Variants in CDKL1 observed in about 807,000 individuals in gnomAD.
The protein encoded by CDKL1 is cyclin-dependent kinase-like 1.
In CDKL1, 41 loss-of-function variants were observed where a neutral mutation model predicts 42.0. The ratio of observed to expected loss-of-function variants is 0.98; its 90% CI spans 0.76 to 1.27. The LOEUF is 1.27. CDKL1 is among the 50% of genes most tolerant of loss of function. The probability of loss-of-function intolerance (pLI) is 0.00; values close to 1 mark genes in which losing one functional copy is unlikely to be tolerated. For synonymous variants in CDKL1, 153 were observed against 158.6 expected, an observed-to-expected ratio of 0.96 and a Z score of 0.26; for missense variants, 394 against 428.4, an observed-to-expected ratio of 0.92 and a Z score of 0.71.
At chr14:50,382,588 T>C (rs1362184391) in intron 2 of CDKL1, among the ~76,000 whole-genome samples, 3 of 140,398 alleles carry the variant, frequency 2.1e-5, no homozygotes, top group Non-Finnish European at 4.7e-5. Context: ...CTCCCTCTCT[T>C]TCTCTCTCTC....
At chr14:50,372,376 C>T (rs2034615417) in intron 2 of CDKL1, among the ~76,000 whole-genome samples, 1 of 152,220 alleles carries the variant, frequency 6.6e-6, no homozygotes. Flanking sequence ...CCTCAGCCTC[C>T]CAAAGCACTG....
intron 2 of CDKL1, among the ~76,000 whole-genome samples, chr14:50,381,332 A>T (rs887760172): frequency 4.6e-5 from 7 of 152,214 alleles, no homozygotes; most frequent in African/African-American, 1.4e-4. Flanking sequence ...TAATAGAGAT[A>T]TACTGACCAC....
chr14:50,362,419 C>T (rs986590173), intron 2 of CDKL1: 8 of 234,378 alleles, frequency 3.4e-5, no homozygotes, highest in South Asian at 2.9e-4. Context: ...ATACACCAAT[C>T]GGCACTCTGT....
chr14:50,397,091 C>T, upstream of CDKL1: 1 of 1,354,694 alleles, frequency 7.4e-7, no homozygotes, highest in Non-Finnish European at 9.8e-7. Context: ...GAGAGCAGAC[C>T]TGCTAGATTT....
intron 2 of CDKL1, among the ~76,000 whole-genome samples, chr14:50,389,773 C>A (rs2035198971): frequency 6.6e-6 from 1 of 152,170 alleles, no homozygotes; most frequent in Non-Finnish European, 1.5e-5. Flanking sequence ...AATCTCACAG[C>A]TAAGGCCCTG....
intron 2 of CDKL1, among the ~76,000 whole-genome samples, chr14:50,369,894 C>T (rs1246523698): frequency 6.6e-5 from 10 of 152,096 alleles, no homozygotes; most frequent in African/African-American, 1.7e-4. Flanking sequence ...GCTGGGATTA[C>T]AGGCGTGAGC....
rs2033153006 is a variant in CDKL1 at position 50,334,620 on chromosome 14, T to G, written c.740A>C (p.Glu247Ala). ...GVKIPDPEDM[E>A]PLELKFPNIS... ...GTTTGGGAATTTTAATTCAAGTGGT[T>G]CCTGTTGAAAAGAAAAGAGGTTTTT... The change falls in exon 8 of 10, where the codon GAA becomes GCA. Residue 247 changes from glutamate to alanine, a missense_variant and splice_region_variant. Transcript: ENST00000395834. 6.3e-7 allele frequency: 1 copy of G among 1,582,870 alleles called. No homozygotes were observed. Among genetic ancestry groups the G allele is most frequent in the African/African-American group, 1.3e-5 (1 of 74,276 alleles).
At chr14:50,338,840 TTAG>T in intron 7 of CDKL1, 104 bp downstream of exon 7, 1 of 783,950 alleles carries the variant, frequency 1.3e-6, no homozygotes, top group East Asian at 2.5e-5. Context: ...TTTTTCTCTG[TTAG>T]ACTGACCTCC....
intron 3 of CDKL1, among the ~76,000 whole-genome samples, chr14:50,358,541 T>A (rs994262313): frequency 1.3e-5 from 2 of 150,438 alleles, no homozygotes; most frequent in African/African-American, 4.9e-5. Context: ...AAAGTGACTA[T>A]TTTTTTTATC....
At chr14:50,360,306 C>A (rs2034197634) in intron 2 of CDKL1, among the ~76,000 whole-genome samples, 1 of 152,174 alleles carries the variant, frequency 6.6e-6, no homozygotes, top group African/African-American at 2.4e-5. Flanking sequence ...CCACCTATCA[C>A]CAGAACTCTT....
chr14:50,367,594 T>C (rs957781219), intron 2 of CDKL1, among the ~76,000 whole-genome samples: 2 of 152,232 alleles, frequency 1.3e-5, no homozygotes, highest in East Asian at 1.9e-4. Context: ...ATGGACAAAC[T>C]GTTACAGGCT....
chr14:50,364,730 G>A (rs2034390600), intron 2 of CDKL1, among the ~76,000 whole-genome samples: 1 of 152,122 alleles, frequency 6.6e-6, no homozygotes, highest in Non-Finnish European at 1.5e-5. Context: ...ACAGGGTCAG[G>A]TAAATATTAA....
At chr14:50,354,122 T>C (rs1296068277) in intron 3 of CDKL1, among the ~76,000 whole-genome samples, 1 of 151,792 alleles carries the variant, frequency 6.6e-6, no homozygotes, top group Non-Finnish European at 1.5e-5. Flanking sequence ...GCCCGGCTAA[T>C]TTTTGTATTT....
intron 2 of CDKL1, among the ~76,000 whole-genome samples, chr14:50,378,976 C>T (rs574414377): frequency 5.3e-4 from 81 of 152,130 alleles, no homozygotes; most frequent in South Asian, 4.6e-3. Context: ...CTCAGCCAAC[C>T]GAGTAGCTGG....
chr14:50,331,712 ATT>A, intron 9 of CDKL1: 1 of 320,634 alleles, frequency 3.1e-6, no homozygotes, highest in Non-Finnish European at 5.7e-6. Flanking sequence ...ATGTAAGGCC[ATT>A]TTATACCAAT....
chr14:50,338,162 A>G (rs966444619), intron 7 of CDKL1, among the ~76,000 whole-genome samples: 2 of 152,214 alleles, frequency 1.3e-5, no homozygotes, highest in African/African-American at 2.4e-5. Flanking sequence ...GGCTTCCCCC[A>G]TTTGGGTTGG....
At position 50,390,245 on chromosome 14, in the gene CDKL1, T is replaced by A. The variant is rs1310667666; in HGVS notation, c.168+5456A>T. 3 of 1,366,000 alleles carry A rather than the reference T, an allele frequency of 2.2e-6. No homozygotes were observed. The East Asian group carries it at 1.4e-4, about 62-fold the overall frequency. 84.6% of individuals were successfully genotyped at this position (1,366,000 alleles called of 1,614,324 possible). On this transcript the variant is annotated intron_variant, in intron 2 of 9. Coordinates refer to ENST00000395834, the MANE Select transcript of CDKL1 (RefSeq NM_004196.7). ...GCTGCTTTCAGCCCTTGACCAATGC[T>A]GGTCTAATATATTTTAACGCCCCCA... is the stretch of plus-strand genomic sequence containing the variant.
At chr14:50,333,027 T>A in intron 8 of CDKL1, 1 of 191,708 alleles carries the variant, frequency 5.2e-6, no homozygotes, top group Admixed American at 6.0e-5. Context: ...TTCTTAACTA[T>A]TTTTGTTGCA....
Position 50,330,065 on chromosome 14 carries a change from C to G in CDKL1, c.*9G>C, listed in dbSNP as rs771893011. On this transcript the variant is annotated 3_prime_UTR_variant, in exon 10 of 10. Transcript: ENST00000395834. The stretch of plus-strand genomic sequence containing the variant: ...GATTCCTTTTTTAAAATCATGTCTC[C>G]TAGCTCCTTTAAATGTTTGGAAAAC... The G allele has an allele frequency of 5.6e-6, 9 of 1,607,928 alleles. No individual in the cohort carries two copies. The highest frequency in any genetic ancestry group is 7.6e-6 in the Non-Finnish European group (9 of 1,178,656).
Sources: allele counts gnomAD v4.1 joint callset (sites outside exome capture counted in the v4.1 genomes callset), GRCh38; gene constraint gnomAD v4.1.1; transcripts MANE v1.5; gene names NCBI Gene and HGNC (gene_info 2026-07-23, HGNC 2026-07-21).